The following EYA4 variants were observed in gnomAD, a reference collection of about 807,000 sequenced individuals.
EYA4 encodes protein phosphatase EYA4.
A neutral mutation model predicts 87.9 loss-of-function variants in EYA4; 31 were observed. That is an observed-to-expected ratio of 0.35 (90% CI 0.27 to 0.48). The LOEUF (loss-of-function observed/expected upper bound fraction) is 0.48, where lower values mean the gene tolerates loss of function less well. EYA4 is among the 20% of genes least tolerant of loss of function. The pLI, the probability that EYA4 is intolerant of heterozygous loss-of-function variation, is 0.99. For missense variants in EYA4, 678 were observed against 761.4 expected (o/e 0.89, Z 1.29); for synonymous variants, 263 against 270.6 (o/e 0.97, Z 0.28).
chr6:133,479,345 G>A (rs1325904487), intron 11 of EYA4, among the ~76,000 whole-genome samples: 3 of 152,086 alleles, frequency 2.0e-5, no homozygotes, highest in Non-Finnish European at 2.9e-5. Flanking sequence ...TCACCGAGGT[G>A]ATAACATAGA....
chr6:133,308,090 A>G (rs1779947277), intron 2 of EYA4, among the ~76,000 whole-genome samples: 1 of 152,086 alleles, frequency 6.6e-6, no homozygotes, highest in Non-Finnish European at 1.5e-5. Context: ...TTCCACCATG[A>G]TTGTGAGGCC....
intron 3 of EYA4, among the ~76,000 whole-genome samples, chr6:133,395,955 C>G (rs1787754652): frequency 6.6e-6 from 1 of 152,168 alleles, no homozygotes; most frequent in African/African-American, 2.4e-5. Flanking sequence ...TCATCACGTC[C>G]TTACCAAAGG....
At chr6:133,407,747 T>C (rs201386127) in intron 3 of EYA4, among the ~76,000 whole-genome samples, 1 of 147,468 alleles carries the variant, frequency 6.8e-6, no homozygotes, top group Non-Finnish European at 1.5e-5. Context: ...GAAAAAAAAA[T>C]AAAAGAAAAA....
chr6:133,350,916 A>G (rs1055957168), intron 2 of EYA4, among the ~76,000 whole-genome samples: 1 of 151,804 alleles, frequency 6.6e-6, no homozygotes, highest in African/African-American at 2.4e-5. Flanking sequence ...TCAATTATCA[A>G]TTCATATCAA....
intron 1 of EYA4, among the ~76,000 whole-genome samples, chr6:133,271,304 A>G (rs1293564108): frequency 6.6e-6 from 1 of 152,194 alleles, no homozygotes; most frequent in East Asian, 1.9e-4. Flanking sequence ...CAGCTGCTTC[A>G]GGATGATGGG....
chr6:133,394,774 A>C (rs975181049), intron 3 of EYA4, among the ~76,000 whole-genome samples: 3 of 152,242 alleles, frequency 2.0e-5, no homozygotes, highest in Non-Finnish European at 4.4e-5. Flanking sequence ...AGTATTGACA[A>C]GTGACAGTCT....
At chr6:133,446,557 A>G in intron 3 of EYA4, 73 bp from the exon 4 acceptor site, 1 of 1,554,080 alleles carries the variant, frequency 6.4e-7, no homozygotes, top group Non-Finnish European at 8.9e-7. Flanking sequence ...TGGTCAATAG[A>G]ATAATATTTG....
At chr6:133,466,840 G>A (rs932865211) in intron 10 of EYA4, among the ~76,000 whole-genome samples, 1 of 151,830 alleles carries the variant, frequency 6.6e-6, no homozygotes, top group South Asian at 2.1e-4. Flanking sequence ...CATTTGCAGA[G>A]ATAGGCGGGG....
rs1384986048 is a variant in EYA4, at chr6:133,351,551, G to A, written c.34-30841G>A. On this transcript the variant is annotated intron_variant, in intron 2 of 19. Transcript: ENST00000355286. ...TGCTTAACTGAGGATACCCCCTCCC[G>A]CATCACAGTCCAGAAAGCTACTGTA... Among the ~76,000 whole-genome samples the A allele has an allele frequency of 1.3e-5, 2 of 152,172 alleles. 1 individual carries two copies. The highest frequency in any genetic ancestry group is 6.8e-3 in the Middle Eastern group (2 of 294).
chr6:133,509,586 C>G (rs914054097), intron 14 of EYA4, among the ~76,000 whole-genome samples: 1 of 152,120 alleles, frequency 6.6e-6, no homozygotes, highest in African/African-American at 2.4e-5. Flanking sequence ...CTACCCTCCC[C>G]CAACAGAAGA....
At chr6:133,408,625 G>T (rs1321626222) in intron 3 of EYA4, among the ~76,000 whole-genome samples, 2 of 152,058 alleles carry the variant, frequency 1.3e-5, no homozygotes, top group African/African-American at 2.4e-5. Context: ...ATCTCTTTGT[G>T]CCTTCTTGGT....
At chr6:133,498,160 G>T (rs1797791599) in intron 13 of EYA4, among the ~76,000 whole-genome samples, 1 of 152,150 alleles carries the variant, frequency 6.6e-6, no homozygotes, top group African/African-American at 2.4e-5. Flanking sequence ...TGGTTTAATA[G>T]AAAGTAATAG....
intron 3 of EYA4, among the ~76,000 whole-genome samples, chr6:133,422,610 G>A (rs949632207): frequency 6.6e-5 from 10 of 152,084 alleles, no homozygotes; most frequent in African/African-American, 2.4e-4. Flanking sequence ...GAGGAATTTG[G>A]GGACTTAGTG....
chr6:133,395,765 A>C (rs1421669227), intron 3 of EYA4, among the ~76,000 whole-genome samples: 2 of 152,236 alleles, frequency 1.3e-5, no homozygotes, highest in African/African-American at 4.8e-5. Context: ...CGTCTAAAAA[A>C]TTAAAATAAA....
intron 13 of EYA4, among the ~76,000 whole-genome samples, chr6:133,484,960 TAGAAA>T (rs1442257296): frequency 2.2e-4 from 33 of 152,322 alleles, no homozygotes; most frequent in African/African-American, 7.7e-4. Flanking sequence ...TCTTTAAAAA[TAGAAA>T]GATCATTCGG....
At chr6:133,521,466 C>A in intron 17 of EYA4, among the ~76,000 whole-genome samples, 2 of 136,440 alleles carry the variant, frequency 1.5e-5, no homozygotes, top group Non-Finnish European at 1.6e-5. Context: ...CAGGAAACAA[C>A]AGGTGCTGGA....
At chr6:133,496,166 A>G (rs1325658165) in intron 13 of EYA4, among the ~76,000 whole-genome samples, 1 of 152,180 alleles carries the variant, frequency 6.6e-6, no homozygotes, top group Admixed American at 6.5e-5. Flanking sequence ...GCTAATAACA[A>G]AAGTGACCAG....
rs3836968 is a variant in EYA4 at position 133,502,043 on chromosome 6, TTCTC to T, written c.1192-4038_1192-4035del. On this transcript the variant is annotated intron_variant, in intron 13 of 19. Transcript: ENST00000355286. ...GCTATTTATTTTCTTCATCTTCCTCTTCTCTCTCTCTCTCTCTCTCTCTCTCTCA... is the reference window on the plus strand; with the variant it reads ...GCTATTTATTTTCTTCATCTTCCTCTTCTCTCTCTCTCTCTCTCTCTCTCA... Among the ~76,000 whole-genome samples, 1,261 of 146,244 alleles carry T rather than the reference TTCTC, an allele frequency of 8.6e-3. 6 individuals carry two copies. Among genetic ancestry groups the T allele is most frequent in the Middle Eastern group, 0.024 (7 of 286 alleles).
At chr6:133,250,754 T>C (rs1340246298) in intron 1 of EYA4, among the ~76,000 whole-genome samples, 1 of 152,110 alleles carries the variant, frequency 6.6e-6, no homozygotes, top group Admixed American at 6.5e-5. Context: ...CTGAAACAGA[T>C]TTTGCTTCAG....
Sources: gnomAD v4.1 joint callset for allele counts (sites outside exome capture counted in the v4.1 genomes callset) on GRCh38, gnomAD v4.1.1 for gene constraint, MANE v1.5 for transcripts, NCBI Gene and HGNC (gene_info 2026-07-23, HGNC 2026-07-21) for gene names.